The following SFMBT2 variants were observed in gnomAD, a reference collection of about 807,000 sequenced individuals.
SFMBT2 encodes the protein scm-like with four MBT domains protein 2.
Under a neutral mutation model 110.1 loss-of-function variants are expected in SFMBT2, and 38 were observed. That is an observed-to-expected ratio of 0.35 (90% confidence interval 0.27 to 0.45). The LOEUF is 0.45. SFMBT2 is among the 20% of genes least tolerant of loss of function. The pLI, the probability that SFMBT2 is intolerant of heterozygous loss-of-function variation, is 1.00. For synonymous variants in SFMBT2, 425 were observed against 425.4 expected, an observed-to-expected ratio of 1.00 and a Z score of 0.01; for missense variants, 1,011 against 1,094.9, an observed-to-expected ratio of 0.92 and a Z score of 1.08.
chr10:7,189,157 T>A (rs186441267), intron 15 of SFMBT2: 467 of 985,312 alleles, frequency 4.7e-4, no homozygotes, highest in Non-Finnish European at 5.4e-4. Context: ...AATCTACTCA[T>A]GCCAACACTT....
chr10:7,333,850 T>C (rs1350054082), intron 4 of SFMBT2, among the ~76,000 whole-genome samples: 1 of 151,862 alleles, frequency 6.6e-6, no homozygotes, highest in Non-Finnish European at 1.5e-5. Flanking sequence ...TTAAATATCG[T>C]CTTTCTTTAA....
chr10:7,246,738 AAAG>A (rs1331355987), intron 8 of SFMBT2, among the ~76,000 whole-genome samples: 4 of 150,830 alleles, frequency 2.7e-5, no homozygotes, highest in Non-Finnish European at 5.9e-5. Context: ...AAAAAAAAAA[AAAG>A]AATGGTGAGA....
intron 4 of SFMBT2, among the ~76,000 whole-genome samples, chr10:7,359,936 A>G (rs1010212020): frequency 1.3e-5 from 2 of 152,262 alleles, no homozygotes; most frequent in African/African-American, 4.8e-5. Flanking sequence ...ACTGGCCAGA[A>G]TCCTCTTAGC....
intron 7 of SFMBT2, chr10:7,264,251 G>C (rs956410217): frequency 4.1e-6 from 1 of 243,504 alleles, no homozygotes; most frequent in Non-Finnish European, 6.6e-6. Context: ...TACAGTTTCA[G>C]ACCCAACCAA....
intron 4 of SFMBT2, among the ~76,000 whole-genome samples, chr10:7,286,602 A>G (rs1032177839): frequency 6.6e-6 from 1 of 152,232 alleles, no homozygotes; most frequent in African/African-American, 2.4e-5. Flanking sequence ...CAATGTAACA[A>G]CTATTTACAT....
chr10:7,192,278 G>C (rs767511788), intron 15 of SFMBT2, among the ~76,000 whole-genome samples: 1 of 152,136 alleles, frequency 6.6e-6, no homozygotes, highest in Non-Finnish European at 1.5e-5. Context: ...AGGTCAGCTG[G>C]GTAAGACATT....
chr10:7,236,244 T>C (rs1437739468), intron 9 of SFMBT2, among the ~76,000 whole-genome samples: 3 of 152,148 alleles, frequency 2.0e-5, no homozygotes, highest in African/African-American at 7.2e-5. Flanking sequence ...TCTAAGTCTA[T>C]AAATTCAACA....
intron 14 of SFMBT2, chr10:7,198,205 T>TGG: frequency 1.1e-6 from 1 of 943,914 alleles, no homozygotes; most frequent in African/African-American, 1.8e-5. Flanking sequence ...GTTTCTGAGA[T>TGG]ATATCCAAGT....
At chr10:7,297,642 T>TA (rs1195778177) in intron 4 of SFMBT2, among the ~76,000 whole-genome samples, 1 of 152,122 alleles carries the variant, frequency 6.6e-6, no homozygotes, top group Non-Finnish European at 1.5e-5. Flanking sequence ...CAAGGCAATT[T>TA]AAAAAACTAG....
Position 7,172,644 on chromosome 10 carries a change from T to C in SFMBT2, c.2002A>G (p.Arg668Gly). 13 of 1,614,058 alleles carry C rather than the reference T, an allele frequency of 8.1e-6. No homozygotes were observed. Among genetic ancestry groups the C allele is most frequent in the Non-Finnish European group, 1.1e-5 (13 of 1,179,990 alleles). ...ATGGGGGGCTTGGAGATCTTCTTTCTCTTTCCATAGTAATAGGCTGTAGGA... is the reference window on the plus strand; with the variant it reads ...ATGGGGGGCTTGGAGATCTTCTTTCCCTTTCCATAGTAATAGGCTGTAGGA... Reference protein sequence around the residue: ...KTKYTYYYGKRKKISKPPIGE... With the variant: ...KTKYTYYYGKGKKISKPPIGE... Residue 668 changes from arginine to glycine, a missense_variant, in exon 18 of 21, where the codon AGA becomes GGA. Physicochemically the swap from Arg to Gly is moderately radical, Grantham distance 125. Around this residue, in one of 2 missense-constraint regions of SFMBT2, gnomAD observed 979 missense variants for 1,016.1 expected, o/e 0.96. Transcript: ENST00000397167. This position sits in a 1 kb window ranked among gnomAD's most constrained non-coding sequence, Gnocchi z 4.6.
chr10:7,208,718 T>G (rs895624702), intron 11 of SFMBT2, among the ~76,000 whole-genome samples: 7 of 151,902 alleles, frequency 4.6e-5, no homozygotes, highest in African/African-American at 1.5e-4. Flanking sequence ...AAAAAGTAAC[T>G]TTATGGCTTA....
At chr10:7,304,706 G>A (rs780824913) in intron 4 of SFMBT2, among the ~76,000 whole-genome samples, 8 of 152,192 alleles carry the variant, frequency 5.3e-5, no homozygotes, top group Non-Finnish European at 1.2e-4. Context: ...ATCAGAGAGA[G>A]AAATTCTAAC....
chr10:7,275,605 T>C (rs535999725), intron 7 of SFMBT2, among the ~76,000 whole-genome samples: 1 of 152,288 alleles, frequency 6.6e-6, no homozygotes, highest in East Asian at 1.9e-4. Flanking sequence ...GTCAATATCA[T>C]GCTAACAGTG....
At chr10:7,299,594 C>A (rs552477766) in intron 4 of SFMBT2, among the ~76,000 whole-genome samples, 2 of 152,108 alleles carry the variant, frequency 1.3e-5, no homozygotes, top group African/African-American at 4.8e-5. Context: ...TAGATGCTGG[C>A]GAGGCTGTGG....
At chr10:7,173,694 C>T (rs895353211) in intron 17 of SFMBT2, among the ~76,000 whole-genome samples, 5 of 152,164 alleles carry the variant, frequency 3.3e-5, no homozygotes, top group African/African-American at 1.2e-4. Context: ...AATTACGACC[C>T]AGACGCCTAC....
intron 4 of SFMBT2, among the ~76,000 whole-genome samples, chr10:7,290,306 AT>A (rs1257801077): frequency 6.6e-6 from 1 of 151,976 alleles, no homozygotes; most frequent in Admixed American, 6.6e-5. Context: ...TCTCATGAAC[AT>A]TTTTTCAAGG....
intron 16 of SFMBT2, among the ~76,000 whole-genome samples, chr10:7,181,026 G>T (rs1350103045): frequency 6.6e-6 from 1 of 152,100 alleles, no homozygotes; most frequent in Non-Finnish European, 1.5e-5. Flanking sequence ...AGATCACGAG[G>T]TCAAGAGATT....
intron 2 of SFMBT2, among the ~76,000 whole-genome samples, chr10:7,378,481 TGG>T: frequency 1.8e-5 from 1 of 56,240 alleles, no homozygotes; most frequent in Non-Finnish European, 3.1e-5. Flanking sequence ...GGTGTAAGTG[TGG>T]GTGTGTGTGG....
intron 10 of SFMBT2, among the ~76,000 whole-genome samples, chr10:7,225,002 C>T (rs1222664773): frequency 1.3e-5 from 2 of 152,074 alleles, no homozygotes; most frequent in East Asian, 1.9e-4. Flanking sequence ...TGGCTCCATG[C>T]CTTTACATTT....
Sources: allele counts gnomAD v4.1 joint callset (sites outside exome capture counted in the v4.1 genomes callset), GRCh38; gene constraint gnomAD v4.1.1; regional missense constraint gnomAD v4.1.1; non-coding constraint Gnocchi (gnomAD v3.1); transcripts MANE v1.5; gene names NCBI Gene and HGNC (gene_info 2026-07-23, HGNC 2026-07-21).